Variants in DMD observed in about 807,000 individuals in gnomAD.
The protein encoded by DMD is mutant dystrophin.
Under a neutral mutation model 330.1 loss-of-function variants are expected in DMD, and 63 were observed. That is an observed-to-expected ratio of 0.19 (90% confidence interval 0.16 to 0.24). The LOEUF is 0.24. DMD is among the 10% of genes least tolerant of loss of function. DMD has a pLI of 1.00. For missense variants in DMD, 3,344 were observed against 2,684.1 expected (o/e 1.25, Z -5.43); for synonymous variants, 1,223 against 959.8 (o/e 1.27, Z -5.07).
intron 15 of DMD, among the ~76,000 whole-genome samples, chrX:32,571,798 T>C (rs1239703174): frequency 1.8e-5 from 2 of 111,599 alleles, no homozygotes; most frequent in African/African-American, 3.3e-5. Flanking sequence ...CCAAATGAAA[T>C]GTCTAGGAAC....
chrX:32,312,746 A>G (rs867921398), intron 41 of DMD, among the ~76,000 whole-genome samples: 55 of 107,095 alleles, frequency 5.1e-4, no homozygotes, highest in African/African-American at 1.8e-3. Flanking sequence ...AGGGGATATC[A>G]CCACCGATCC....
At chrX:32,665,786 C>T (rs1288337514) in intron 9 of DMD, among the ~76,000 whole-genome samples, 5 of 112,089 alleles carry the variant, frequency 4.5e-5, no homozygotes, top group Admixed American at 9.4e-5. Flanking sequence ...TCCCTTATGG[C>T]GCCATGTCTA....
chrX:32,525,359 G>A (rs1313026026), intron 17 of DMD, among the ~76,000 whole-genome samples: 2 of 111,280 alleles, frequency 1.8e-5, no homozygotes, highest in African/African-American at 6.5e-5. Flanking sequence ...CCAGTGGATA[G>A]CCTCATCTCT....
At chrX:32,113,867 C>G (rs751035170) in intron 44 of DMD, among the ~76,000 whole-genome samples, 1 of 111,823 alleles carries the variant, frequency 8.9e-6, no homozygotes, top group African/African-American at 3.2e-5. Flanking sequence ...AATATTTCAA[C>G]ATTTCTGCCT....
intron 1 of DMD, among the ~76,000 whole-genome samples, chrX:33,236,325 C>A (rs1164500136): frequency 9.5e-6 from 1 of 105,570 alleles, no homozygotes; most frequent in Non-Finnish European, 1.9e-5. Context: ...AGTGCAATGG[C>A]GCGATCTCGG....
intron 62 of DMD, among the ~76,000 whole-genome samples, chrX:31,288,473 G>A (rs908601145): frequency 1.8e-5 from 2 of 111,645 alleles, no homozygotes; most frequent in African/African-American, 3.3e-5. Flanking sequence ...CTGGTCAATC[G>A]TTGAGCCCCA....
At chrX:32,128,295 T>C (rs1232281716) in intron 44 of DMD, among the ~76,000 whole-genome samples, 1 of 111,902 alleles carries the variant, frequency 8.9e-6, no homozygotes, top group Non-Finnish European at 1.9e-5. Flanking sequence ...AAATATTTTA[T>C]GTAACAAATG....
At chrX:32,411,028 T>C (rs2098139568) in intron 30 of DMD, among the ~76,000 whole-genome samples, 1 of 112,341 alleles carries the variant, frequency 8.9e-6, no homozygotes, top group Non-Finnish European at 1.9e-5. Flanking sequence ...TACTCACTGC[T>C]TGTAACTAAC....
At chrX:31,911,501 C>CTT (rs34439142) in intron 47 of DMD, among the ~76,000 whole-genome samples, 12 of 101,833 alleles carry the variant, frequency 1.2e-4, no homozygotes, top group South Asian at 8.7e-4. Flanking sequence ...GCATTTCTCA[C>CTT]TTTTTTTTTT....
intron 1 of DMD, among the ~76,000 whole-genome samples, chrX:33,278,425 G>A (rs111946753): frequency 0.034 from 3,736 of 111,467 alleles, 159 homozygotes; most frequent in African/African-American, 0.12. Flanking sequence ...AAGTGAGAAC[G>A]TGTGGTGCTT....
intron 55 of DMD, among the ~76,000 whole-genome samples, chrX:31,534,958 C>A (rs1172009311): frequency 1.1e-4 from 7 of 62,926 alleles, no homozygotes; most frequent in Non-Finnish European, 1.7e-4. Flanking sequence ...TCAAGGAGAA[C>A]TACAAACCAC....
At chrX:32,638,630 A>T (rs908045467) in intron 11 of DMD, among the ~76,000 whole-genome samples, 40 of 112,199 alleles carry the variant, frequency 3.6e-4, no homozygotes, top group African/African-American at 1.2e-3. Flanking sequence ...AGAAAAATCA[A>T]TGAACTTACC....
intron 52 of DMD, among the ~76,000 whole-genome samples, chrX:31,725,574 A>G (rs2085970336): frequency 8.9e-6 from 1 of 112,159 alleles, no homozygotes; most frequent in Non-Finnish European, 1.9e-5. Context: ...CCAACCCATG[A>G]GATAGTTATA....
At chrX:31,613,743 C>T in intron 55 of DMD, among the ~76,000 whole-genome samples, 1 of 111,035 alleles carries the variant, frequency 9.0e-6, no homozygotes, top group Non-Finnish European at 1.9e-5. Flanking sequence ...TGTCCTCCTG[C>T]CCCAAGCCCC....
chrX:32,235,977 T>C (rs1021018029), intron 43 of DMD, among the ~76,000 whole-genome samples: 7 of 111,927 alleles, frequency 6.3e-5, no homozygotes, highest in Admixed American at 9.5e-5. Flanking sequence ...ATAATTTTTC[T>C]CTTTATCATT....
In DMD at chrX:31,774,195, A is replaced by G; in HGVS notation, c.7310-3T>C. 3 of 1,195,525 alleles carry G rather than the reference A, an allele frequency of 2.5e-6. No individual in the cohort carries two copies. The highest frequency in any genetic ancestry group is 3.5e-5 in the African/African-American group (2 of 57,199). On this transcript the variant is annotated splice_polypyrimidine_tract_variant and splice_region_variant and intron_variant, in intron 50 of 78. Transcript: ENST00000357033. The stretch of plus-strand genomic sequence containing the variant: ...CAGAGTAACAGTCTGAGTAGGAGCT[A>G]AAATATTTTGGGTTTTTGCAAAAAG...
intron 62 of DMD, among the ~76,000 whole-genome samples, chrX:31,284,047 T>TTTAGAA (rs2052832619): frequency 8.9e-6 from 1 of 112,235 alleles, no homozygotes; most frequent in Non-Finnish European, 1.9e-5. Context: ...TTAAACTTAC[T>TTTAGAA]CAGAACACTT....
At chrX:31,604,032 C>T (rs2077493502) in intron 55 of DMD, among the ~76,000 whole-genome samples, 1 of 112,152 alleles carries the variant, frequency 8.9e-6, no homozygotes, top group African/African-American at 3.2e-5. Context: ...GGCTGTCTTT[C>T]ACCTCCTGCC....
chrX:31,166,759 G>A (rs748144833), intron 74 of DMD, among the ~76,000 whole-genome samples: 1 of 111,587 alleles, frequency 9.0e-6, no homozygotes, highest in Admixed American at 9.5e-5. Context: ...TTTCAGGAAG[G>A]GAACTCTGTG....
Sources: allele counts gnomAD v4.1 joint callset (sites outside exome capture counted in the v4.1 genomes callset), GRCh38; gene constraint gnomAD v4.1.1; transcripts MANE v1.5; gene names NCBI Gene and HGNC (gene_info 2026-07-23, HGNC 2026-07-21).